Variants in PLCG2 observed in about 807,000 individuals in gnomAD.
PLCG2 encodes the protein 1-phosphatidylinositol 4,5-bisphosphate phosphodiesterase gamma-2.
PLCG2 carries 69 observed loss-of-function variants against 175.6 expected under a neutral mutation model. The ratio of observed to expected loss-of-function variants is 0.39; its 90% CI spans 0.32 to 0.48. The LOEUF (loss-of-function observed/expected upper bound fraction) is 0.48, where lower values mean the gene tolerates loss of function less well. PLCG2 is among the 20% of genes least tolerant of loss of function. The pLI, the probability that PLCG2 is intolerant of heterozygous loss-of-function variation, is 0.91. For synonymous variants in PLCG2, 827 were observed against 624.0 expected (o/e 1.33, Z -4.85); for missense variants, 1,798 against 1,650.9 (o/e 1.09, Z -1.54).
In PLCG2 at chr16:81,939,314, G is replaced by C. The variant is rs113191536; in HGVS notation, c.3313+399G>C. ...AACCTGGGAGATCTTAGCCCCTAGA[G>C]GGCAGGAGGGACAAGAGGAATGCTT... On this transcript the variant is annotated intron_variant, in intron 29 of 32. Coordinates refer to ENST00000564138, the MANE Select transcript of PLCG2 (RefSeq NM_002661.5). Among the ~76,000 whole-genome samples, 223 of 152,294 alleles carry C rather than the reference G, an allele frequency of 1.5e-3. 1 individual carries two copies. Among genetic ancestry groups the C allele is most frequent in the African/African-American group, 5.1e-3 (211 of 41,570 alleles).
chr16:81,756,969 G>A (rs150649768), intron 2 of PLCG2, among the ~76,000 whole-genome samples: 25 of 152,296 alleles, frequency 1.6e-4, no homozygotes, highest in Non-Finnish European at 1.3e-4. Context: ...GTTCCTACTT[G>A]CTGCTACTTT....
chr16:81,898,009 C>A, intron 13 of PLCG2: 1 of 369,854 alleles, frequency 2.7e-6, no homozygotes, highest in South Asian at 2.0e-5. Flanking sequence ...GGGTCCTAGC[C>A]CTTCTAAGTG....
intron 1 of PLCG2, among the ~76,000 whole-genome samples, chr16:81,745,774 G>A (rs1307367228): frequency 6.6e-6 from 1 of 152,186 alleles, no homozygotes; most frequent in Admixed American, 6.5e-5. Context: ...CTTGGCCCAG[G>A]CTGATTCAGC....
chr16:81,867,991 C>T (rs3934986), intron 5 of PLCG2, among the ~76,000 whole-genome samples: 48 of 152,254 alleles, frequency 3.2e-4, no homozygotes, highest in African/African-American at 1.0e-3. Flanking sequence ...GAGCCACCAC[C>T]GTGCCTGGCC....
intron 17 of PLCG2, 37 bp downstream of exon 17, chr16:81,908,628 T>C (rs1909483048): frequency 6.4e-7 from 1 of 1,560,384 alleles, no homozygotes; most frequent in Non-Finnish European, 8.7e-7. Flanking sequence ...TACCTTCTTC[T>C]CCATGCCAAC....
At chr16:81,806,834 C>T (rs1430178315) in intron 2 of PLCG2, among the ~76,000 whole-genome samples, 3 of 151,332 alleles carry the variant, frequency 2.0e-5, no homozygotes, top group Non-Finnish European at 4.4e-5. Flanking sequence ...ACAAAGCCTT[C>T]GAGGTGGGGC....
intron 2 of PLCG2, among the ~76,000 whole-genome samples, chr16:81,830,452 G>A (rs1212094409): frequency 6.6e-6 from 1 of 151,920 alleles, no homozygotes; most frequent in Non-Finnish European, 1.5e-5. Context: ...GATTATAGGC[G>A]CATGCCACCA....
intron 2 of PLCG2, among the ~76,000 whole-genome samples, chr16:81,836,911 C>A (rs945470693): frequency 3.9e-5 from 6 of 152,172 alleles, no homozygotes; most frequent in Non-Finnish European, 8.8e-5. Flanking sequence ...CTGCTGTGCA[C>A]ACGGGCATGT....
intron 21 of PLCG2, 103 bp from the exon 22 acceptor site, chr16:81,923,382 T>C: frequency 1.5e-6 from 1 of 676,304 alleles, no homozygotes. Flanking sequence ...GCCTGAAGCC[T>C]CCTGCTCCCC....
chr16:81,799,966 G>A (rs143836889), intron 2 of PLCG2, among the ~76,000 whole-genome samples: 1 of 152,112 alleles, frequency 6.6e-6, no homozygotes, highest in African/African-American at 2.4e-5. Context: ...CAAGAGCAAG[G>A]GATCCAGGGT....
At chr16:81,874,920 G>A (rs1162451824) in intron 7 of PLCG2, among the ~76,000 whole-genome samples, 1 of 147,418 alleles carries the variant, frequency 6.8e-6, no homozygotes, top group Admixed American at 6.8e-5. Context: ...TTTCTCAGGT[G>A]GACTATTTGC....
rs1192728403 is a variant in PLCG2, at chr16:81,824,113, T to TTCCC, written c.194-30316_194-30313dup. Reference sequence around the variant, plus strand: ...CCTGTCCTTTCCTTTCTTTCCCTCCTTCCCTCCCTCCCTCCCTCTCTTTCT... The same window carrying TTCCC: ...CCTGTCCTTTCCTTTCTTTCCCTCCTTCCCTCCCTCCCTCCCTCCCTCTCTTTCT... On this transcript the variant is annotated intron_variant, in intron 2 of 32. Coordinates refer to ENST00000564138, the MANE Select transcript of PLCG2 (RefSeq NM_002661.5). Among the ~76,000 whole-genome samples the TTCCC allele has an allele frequency of 7.8e-5, 11 of 140,468 alleles. No homozygotes were observed. In the East Asian group the frequency reaches 1.5e-3, roughly 19 times the overall value. 92.2% of individuals were successfully genotyped at this position (140,468 alleles called of 152,430 possible). A position where few individuals can be genotyped will look rare whatever the true frequency, so the allele number is the denominator to read the frequency against.
At chr16:81,817,306 G>T (rs1904595502) in intron 2 of PLCG2, among the ~76,000 whole-genome samples, 1 of 152,238 alleles carries the variant, frequency 6.6e-6, no homozygotes, top group Admixed American at 6.5e-5. Context: ...ATTAGTACCT[G>T]TGCCGTGAGG....
intron 15 of PLCG2, among the ~76,000 whole-genome samples, chr16:81,906,825 G>A (rs1909390957): frequency 1.3e-5 from 2 of 152,160 alleles, no homozygotes; most frequent in Non-Finnish European, 1.5e-5. Context: ...AGATTACGAG[G>A]TCAGGAGATC....
At chr16:81,744,886 G>A (rs4888173) in intron 1 of PLCG2, among the ~76,000 whole-genome samples, 81,981 of 152,004 alleles carry the variant, frequency 0.54, 23,258 homozygotes, top group Non-Finnish European at 0.63. Flanking sequence ...AATTTTTTAG[G>A]GCATCTGGAG....
intron 2 of PLCG2, among the ~76,000 whole-genome samples, chr16:81,808,815 G>C (rs374894568): frequency 6.6e-6 from 1 of 152,158 alleles, no homozygotes; most frequent in Non-Finnish European, 1.5e-5. Context: ...TCTTGAGCAA[G>C]CTCCATAGCC....
rs559841784 is a variant in PLCG2 at position 81,790,177 on chromosome 16, G to A, written c.193+3995G>A. Among the ~76,000 whole-genome samples, 17 of 152,318 alleles carry A rather than the reference G, an allele frequency of 1.1e-4. No homozygotes were observed. The South Asian group carries it at 3.5e-3, about 32-fold the overall frequency. ...CGGCTGAATTCATAGTGTGTGACAGGCACTCAGTTGTTGGGAACCACCACT... is the reference window on the plus strand; with the variant it reads ...CGGCTGAATTCATAGTGTGTGACAGACACTCAGTTGTTGGGAACCACCACT... On this transcript the variant is annotated intron_variant, in intron 2 of 32. Coordinates refer to ENST00000564138, the MANE Select transcript of PLCG2 (RefSeq NM_002661.5).
intron 12 of PLCG2, among the ~76,000 whole-genome samples, chr16:81,894,433 C>G (rs551587469): frequency 3.3e-5 from 5 of 150,508 alleles, no homozygotes; most frequent in Admixed American, 2.0e-4. Flanking sequence ...TGTGTCTAAA[C>G]TGAAAAGAAA....
intron 2 of PLCG2, among the ~76,000 whole-genome samples, chr16:81,813,989 C>T (rs189955437): frequency 6.6e-6 from 1 of 152,106 alleles, no homozygotes; most frequent in Non-Finnish European, 1.5e-5. Context: ...AGATGGAGAC[C>T]ATGGTATTCA....
Sources: allele counts gnomAD v4.1 joint callset (sites outside exome capture counted in the v4.1 genomes callset), GRCh38; gene constraint gnomAD v4.1.1; transcripts MANE v1.5; gene names NCBI Gene and HGNC (gene_info 2026-07-23, HGNC 2026-07-21).